The following MAGI1 variants were observed in gnomAD, a reference collection of about 807,000 sequenced individuals.
MAGI1 encodes the protein membrane-associated guanylate kinase, WW and PDZ domain-containing protein 1.
Under a neutral mutation model 139.9 loss-of-function variants are expected in MAGI1, and 58 were observed. That is an observed-to-expected ratio of 0.41 (90% confidence interval 0.34 to 0.52). The LOEUF (loss-of-function observed/expected upper bound fraction) is 0.52, where lower values mean the gene tolerates loss of function less well. Ranked by LOEUF, MAGI1 falls within the 20% of genes least tolerant of loss-of-function variation. The pLI, the probability that MAGI1 is intolerant of heterozygous loss-of-function variation, is 0.12. For synonymous variants in MAGI1, 812 were observed against 737.9 expected, an observed-to-expected ratio of 1.10 and a Z score of -1.63; for missense variants, 1,874 against 1,901.6, an observed-to-expected ratio of 0.99 and a Z score of 0.27.
At chr3:65,656,591 T>TA (rs5849684) in intron 1 of MAGI1, among the ~76,000 whole-genome samples, 47,514 of 151,990 alleles carry the variant, frequency 0.31, 8,989 homozygotes, top group East Asian at 0.63. Flanking sequence ...GCAAACTTCT[T>TA]ACTCCGAGTG....
chr3:65,615,547 C>G (rs2083327023), intron 2 of MAGI1, among the ~76,000 whole-genome samples: 1 of 152,156 alleles, frequency 6.6e-6, no homozygotes, highest in Non-Finnish European at 1.5e-5. Flanking sequence ...GCTGAGTTGT[C>G]ACAAATATGG....
intron 18 of MAGI1, among the ~76,000 whole-genome samples, chr3:65,369,457 T>C (rs1224091437): frequency 1.3e-5 from 2 of 151,566 alleles, no homozygotes; most frequent in African/African-American, 4.8e-5. Context: ...GGGCAGAGCA[T>C]CTTTTCAAAG....
intron 3 of MAGI1, among the ~76,000 whole-genome samples, chr3:65,488,431 G>A (rs369266904): frequency 1.3e-5 from 2 of 151,620 alleles, no homozygotes; most frequent in Admixed American, 1.3e-4. Flanking sequence ...CTGCCTCTTG[G>A]GTTCAAGTGA....
rs148022035 is a variant in MAGI1, at chr3:65,676,597, A to G, written c.314-54509T>C. On this transcript the variant is annotated intron_variant, in intron 1 of 22. Transcript: ENST00000402939. ...AAAGCTGTGTCCAGCATCTCCATCA[A>G]AGGAGAAACTACTCCTTTTTATTCA... Among the ~76,000 whole-genome samples, 446 of 152,344 alleles carry G rather than the reference A, an allele frequency of 2.9e-3. 4 individuals carry two copies. Among genetic ancestry groups the G allele is most frequent in the African/African-American group, 9.8e-3 (407 of 41,584 alleles).
At chr3:66,015,071 G>C (rs1294888782) in intron 1 of MAGI1, among the ~76,000 whole-genome samples, 3 of 151,650 alleles carry the variant, frequency 2.0e-5, no homozygotes, top group African/African-American at 4.8e-5. Flanking sequence ...GACCAGACAG[G>C]GTGGCTCATG....
chr3:65,789,827 A>G (rs2039642438), intron 1 of MAGI1, among the ~76,000 whole-genome samples: 1 of 152,216 alleles, frequency 6.6e-6, no homozygotes, highest in African/African-American at 2.4e-5. Flanking sequence ...TTCCTTTTCA[A>G]AAGTCCTTGA....
chr3:65,978,025 C>G (rs755251848), intron 1 of MAGI1, among the ~76,000 whole-genome samples: 2 of 152,316 alleles, frequency 1.3e-5, no homozygotes. Flanking sequence ...TCTCTCAAAA[C>G]TAGCTGTTAT....
At chr3:65,851,377 G>C (rs1475623115) in intron 1 of MAGI1, among the ~76,000 whole-genome samples, 1 of 152,118 alleles carries the variant, frequency 6.6e-6, no homozygotes, top group East Asian at 1.9e-4. Context: ...AATGACTTAT[G>C]AGTATTACAT....
At chr3:65,998,921 C>T (rs2066598077) in intron 1 of MAGI1, among the ~76,000 whole-genome samples, 1 of 151,954 alleles carries the variant, frequency 6.6e-6, no homozygotes, top group Non-Finnish European at 1.5e-5. Flanking sequence ...AGTTCACTTA[C>T]ATATTGTGTT....
At chr3:65,853,351 A>G (rs550138462) in intron 1 of MAGI1, among the ~76,000 whole-genome samples, 1 of 152,356 alleles carries the variant, frequency 6.6e-6, no homozygotes, top group South Asian at 2.1e-4. Context: ...AAATAGTTCT[A>G]TAAGTACATG....
intron 1 of MAGI1, among the ~76,000 whole-genome samples, chr3:65,927,908 CT>C (rs1188255697): frequency 7.2e-5 from 11 of 152,146 alleles, no homozygotes; most frequent in Non-Finnish European, 1.5e-5. Flanking sequence ...ACAGCATGTC[CT>C]TTTCAGAAAA....
chr3:65,453,427 A>G (rs1465119823), intron 5 of MAGI1, 87 bp from the exon 6 acceptor site: 2 of 949,118 alleles, frequency 2.1e-6, no homozygotes, highest in East Asian at 4.8e-5. Context: ...ACACTCTTGA[A>G]TATTTCTTCC....
chr3:65,931,861 C>A (rs1458223401), intron 1 of MAGI1, among the ~76,000 whole-genome samples: 2 of 149,650 alleles, frequency 1.3e-5, no homozygotes. Flanking sequence ...TTTTTTATTG[C>A]ACTGTGACTA....
intron 1 of MAGI1, among the ~76,000 whole-genome samples, chr3:65,714,730 A>G (rs934563714): frequency 1.3e-5 from 2 of 151,960 alleles, no homozygotes; most frequent in African/African-American, 2.4e-5. Flanking sequence ...GTCCTCAATC[A>G]TTTCTTCTCT....
intron 1 of MAGI1, among the ~76,000 whole-genome samples, chr3:65,719,672 A>G (rs1252499505): frequency 6.6e-6 from 1 of 151,964 alleles, no homozygotes; most frequent in Non-Finnish European, 1.5e-5. Flanking sequence ...CAGCCTCCCA[A>G]GTACCTGGGA....
At chr3:65,367,731 C>G (rs1006127734) in intron 18 of MAGI1, among the ~76,000 whole-genome samples, 20 of 152,172 alleles carry the variant, frequency 1.3e-4, no homozygotes, top group Non-Finnish European at 2.6e-4. Flanking sequence ...GGGAATTAAA[C>G]CCAGGACCTG....
At chr3:65,635,629 T>A (rs1407601036) in intron 1 of MAGI1, among the ~76,000 whole-genome samples, 1 of 152,110 alleles carries the variant, frequency 6.6e-6, no homozygotes, top group East Asian at 1.9e-4. Context: ...TAATCCAGGG[T>A]TTTAGGAATC....
chr3:65,854,417 T>G (rs2059306396), intron 1 of MAGI1, among the ~76,000 whole-genome samples: 2 of 152,176 alleles, frequency 1.3e-5, no homozygotes, highest in African/African-American at 4.8e-5. Context: ...CATACAACTT[T>G]GAAAGAATAG....
At chr3:65,913,276 A>C (rs572189277) in intron 1 of MAGI1, among the ~76,000 whole-genome samples, 1 of 152,156 alleles carries the variant, frequency 6.6e-6, no homozygotes, top group Non-Finnish European at 1.5e-5. Flanking sequence ...AACAAACAAA[A>C]AATAATAAAT....
Sources: allele counts gnomAD v4.1 joint callset (sites outside exome capture counted in the v4.1 genomes callset), GRCh38; gene constraint gnomAD v4.1.1; transcripts MANE v1.5; gene names NCBI Gene and HGNC (gene_info 2026-07-23, HGNC 2026-07-21).